Variants in CREB5 observed in about 807,000 individuals in gnomAD.
The protein encoded by CREB5 is cAMP responsive element binding protein 5, also known as cyclic AMP-responsive element-binding protein 5.
In CREB5, 19 loss-of-function variants were observed where a neutral mutation model predicts 57.1. The observed-to-expected ratio is 0.33, with a 90% CI of 0.23 to 0.49. CREB5 has a LOEUF of 0.49. CREB5 is among the 20% of genes least tolerant of loss of function. The pLI, the probability that CREB5 is intolerant of heterozygous loss-of-function variation, is 0.99. For synonymous variants in CREB5, 238 were observed against 238.3 expected, an observed-to-expected ratio of 1.00 and a Z score of 0.01; for missense variants, 579 against 671.6, an observed-to-expected ratio of 0.86 and a Z score of 1.52.
chr7:28,500,579 A>C (rs1327643210), intron 3 of CREB5, among the ~76,000 whole-genome samples: 1 of 152,348 alleles, frequency 6.6e-6, no homozygotes, highest in African/African-American at 2.4e-5. Context: ...TCCAGGCTCT[A>C]AACCTGATTC....
At chr7:28,652,364 A>G (rs1202226515) in intron 5 of CREB5, among the ~76,000 whole-genome samples, 1 of 152,210 alleles carries the variant, frequency 6.6e-6, no homozygotes, top group Non-Finnish European at 1.5e-5. Context: ...ATGGTTTTAA[A>G]GATATTTATT....
intron 7 of CREB5, among the ~76,000 whole-genome samples, chr7:28,730,680 A>G (rs898831830): frequency 6.6e-6 from 1 of 152,138 alleles, no homozygotes; most frequent in Non-Finnish European, 1.5e-5. Flanking sequence ...GCACTTTACA[A>G]ATTGCAAACT....
chr7:28,684,632 T>C (rs1217819237), intron 5 of CREB5, among the ~76,000 whole-genome samples: 1 of 152,192 alleles, frequency 6.6e-6, no homozygotes, highest in African/African-American at 2.4e-5. Context: ...AGATCCTCTG[T>C]GCTTTGCAAC....
chr7:28,619,846 G>A (rs1389904566), intron 5 of CREB5, among the ~76,000 whole-genome samples: 5 of 152,190 alleles, frequency 3.3e-5, no homozygotes, highest in African/African-American at 7.2e-5. Context: ...CTGGATGTTG[G>A]TCATGTGCCA....
intron 1 of CREB5, among the ~76,000 whole-genome samples, chr7:28,414,843 C>G (rs943466475): frequency 1.3e-5 from 2 of 151,942 alleles, no homozygotes; most frequent in Non-Finnish European, 2.9e-5. Flanking sequence ...TGATAGCACT[C>G]TTCCAGAAAC....
At position 28,374,968 on chromosome 7, in the gene CREB5, C is replaced by T. The variant is rs755026173; in HGVS notation, c.-25+75527C>T. Among the ~76,000 whole-genome samples the T allele has an allele frequency of 6.8e-4, 104 of 152,272 alleles. 1 individual carries two copies. The highest frequency in any genetic ancestry group is 1.3e-3 in the Non-Finnish European group (89 of 68,028). On this transcript the variant is annotated intron_variant, in intron 1 of 9. Coordinates refer to the CREB5 transcript ENST00000396299. ...TAGAAAGTTCTTCCCTCATTGACAT[C>T]TATCAGTTGGCTCTCTTCTGCCCCA...
At chr7:28,562,760 T>C (rs1201282155) in intron 4 of CREB5, among the ~76,000 whole-genome samples, 2 of 152,266 alleles carry the variant, frequency 1.3e-5, no homozygotes, top group African/African-American at 2.4e-5. Flanking sequence ...AAAGTGGTGA[T>C]GATGACATTG....
At chr7:28,688,155 A>G (rs1435076455) in intron 5 of CREB5, among the ~76,000 whole-genome samples, 1 of 152,138 alleles carries the variant, frequency 6.6e-6, no homozygotes, top group Non-Finnish European at 1.5e-5. Context: ...TTTGATCTTT[A>G]TTTGTTTACT....
intron 7 of CREB5, among the ~76,000 whole-genome samples, chr7:28,760,586 G>A (rs569909215): frequency 1.3e-5 from 2 of 152,218 alleles, no homozygotes; most frequent in East Asian, 1.9e-4. Context: ...CATTTACCTT[G>A]TTAGTAGACT....
intron 1 of CREB5, among the ~76,000 whole-genome samples, chr7:28,358,733 G>A (rs1465033709): frequency 2.6e-5 from 4 of 152,194 alleles, no homozygotes; most frequent in Admixed American, 6.5e-5. Context: ...GTCAATGAAA[G>A]ACCAAGTGGT....
At chr7:28,462,301 G>T (rs1031222502) in intron 1 of CREB5, among the ~76,000 whole-genome samples, 1 of 151,994 alleles carries the variant, frequency 6.6e-6, no homozygotes, top group African/African-American at 2.4e-5. Context: ...ATCATATTTT[G>T]TTTATCCATT....
At chr7:28,406,338 G>A (rs1461345940) in intron 1 of CREB5, among the ~76,000 whole-genome samples, 1 of 152,160 alleles carries the variant, frequency 6.6e-6, no homozygotes, top group African/African-American at 2.4e-5. Flanking sequence ...GCAACTAAAG[G>A]TCTCCCAGGG....
At chr7:28,458,755 A>G (rs568691203) in intron 1 of CREB5, among the ~76,000 whole-genome samples, 1 of 152,302 alleles carries the variant, frequency 6.6e-6, no homozygotes, top group South Asian at 2.1e-4. Context: ...TATGGATGTG[A>G]TAGTATTCTT....
Position 28,561,025 on chromosome 7 carries a change from C to CGTGT in CREB5, c.292-9324_292-9321dup, listed in dbSNP as rs79113344. Among the ~76,000 whole-genome samples the CGTGT allele has an allele frequency of 0.023, 1,133 of 49,602 alleles. 86 individuals are homozygous for CGTGT. The East Asian group carries it at 0.32, about 14-fold the overall frequency. 32.5% of individuals were successfully genotyped at this position (49,602 alleles called of 152,430 possible). On this transcript the variant is annotated intron_variant, in intron 4 of 10. Transcript: ENST00000357727. ...GTGTGCGTGTGTGTGTGCGTGTGTG[C>CGTGT]GTGTGTGTGTGTGTGTGTGAAGGTA... is the stretch of plus-strand genomic sequence containing the variant.
chr7:28,704,312 T>C (rs1802001479), intron 5 of CREB5, among the ~76,000 whole-genome samples: 1 of 152,200 alleles, frequency 6.6e-6, no homozygotes, highest in African/African-American at 2.4e-5. Flanking sequence ...CTCAGCTAAA[T>C]GTTACTTGCA....
At chr7:28,409,227 C>A (rs966444768), upstream of CREB5, 2 of 151,014 alleles carry the variant, frequency 1.3e-5, no homozygotes, top group African/African-American at 4.8e-5. This position sits in a 1 kb window ranked among gnomAD's most constrained non-coding sequence, Gnocchi z 4.4. Context: ...GCGGGGCCTG[C>A]CCCCTCGACG....
intron 1 of CREB5, among the ~76,000 whole-genome samples, chr7:28,462,677 T>C (rs1790397910): frequency 6.6e-6 from 1 of 152,214 alleles, no homozygotes; most frequent in Admixed American, 6.5e-5. Flanking sequence ...ATGTTGACGA[T>C]ATTTTTATGT....
At chr7:28,684,708 A>G (rs1419600835) in intron 5 of CREB5, among the ~76,000 whole-genome samples, 1 of 151,844 alleles carries the variant, frequency 6.6e-6, no homozygotes, top group Non-Finnish European at 1.5e-5. Context: ...GGGGCAATAG[A>G]CTGTAGCACA....
intron 5 of CREB5, among the ~76,000 whole-genome samples, chr7:28,646,094 A>G (rs763145340): frequency 1.8e-4 from 28 of 152,352 alleles, no homozygotes; most frequent in Middle Eastern, 3.4e-3. Context: ...TCCAGCTTGC[A>G]GACAGTAGAT....
Sources: gnomAD v4.1 joint callset for allele counts (sites outside exome capture counted in the v4.1 genomes callset) on GRCh38, gnomAD v4.1.1 for gene constraint, Gnocchi (gnomAD v3.1) non-coding constraint, MANE v1.5 for transcripts, NCBI Gene and HGNC (gene_info 2026-07-23, HGNC 2026-07-21) for gene names.